DLGAP2: variants seen among roughly 807,000 people sequenced by gnomAD.
DLGAP2 encodes DLG associated protein 2, also known as disks large-associated protein 2.
Under a neutral mutation model 100.3 loss-of-function variants are expected in DLGAP2, and 26 were observed. The observed-to-expected ratio is 0.26, with a 90% CI of 0.19 to 0.36. DLGAP2 has a LOEUF of 0.36. Among genes scored for constraint, DLGAP2 ranks in the 10% least tolerant of loss-of-function variants. The pLI is 1.00. For missense variants in DLGAP2, 1,858 were observed against 1,453.2 expected, an observed-to-expected ratio of 1.28 and a Z score of -4.53; for synonymous variants, 886 against 630.1, an observed-to-expected ratio of 1.41 and a Z score of -6.08.
At chr8:1,648,875 G>A (rs1461204796) in intron 8 of DLGAP2, among the ~76,000 whole-genome samples, 4 of 152,156 alleles carry the variant, frequency 2.6e-5, no homozygotes, top group African/African-American at 7.2e-5. Flanking sequence ...AAGAAGAACC[G>A]CTGATCTCAC....
At chr8:1,426,410 G>C (rs1206758011) in intron 3 of DLGAP2, among the ~76,000 whole-genome samples, 1 of 152,152 alleles carries the variant, frequency 6.6e-6, no homozygotes, top group Non-Finnish European at 1.5e-5. Context: ...ACAGCATGAA[G>C]CAGGAGCCCA....
intron 2 of DLGAP2, among the ~76,000 whole-genome samples, chr8:916,886 C>T (rs1254001365): frequency 1.3e-5 from 2 of 152,172 alleles, no homozygotes; most frequent in African/African-American, 2.4e-5. Context: ...GCGTTGAGAC[C>T]AAGATGATCC....
At chr8:1,243,994 C>T (rs188083985) in intron 2 of DLGAP2, among the ~76,000 whole-genome samples, 239 of 151,908 alleles carry the variant, frequency 1.6e-3, no homozygotes, top group African/African-American at 5.5e-3. Context: ...ATGGTGAGTG[C>T]CAGCTCCCAG....
chr8:1,445,344 G>T (rs1353290843), intron 3 of DLGAP2, among the ~76,000 whole-genome samples: 1 of 149,112 alleles, frequency 6.7e-6, no homozygotes, highest in Non-Finnish European at 1.5e-5. Flanking sequence ...GCAGTGTTTG[G>T]TTTTTTGTCC....
chr8:1,286,323 A>G lies in DLGAP2; in HGVS notation c.106+27440A>G, dbSNP rs770899863. ...TCAATTAAACTTCTTTACTTTATAA[A>G]TCACCCAGTTTGGGGCAGTTCTTTA... is the stretch of plus-strand genomic sequence containing the variant. On this transcript the variant is annotated intron_variant, in intron 3 of 14. Coordinates refer to ENST00000637795, the MANE Select transcript of DLGAP2 (RefSeq NM_001346810.2). Among the ~76,000 whole-genome samples, 6 of 152,194 alleles carry G rather than the reference A, an allele frequency of 3.9e-5. No individual in the cohort carries two copies. The East Asian group carries it at 1.2e-3, about 29-fold the overall frequency.
chr8:988,295 T>C (rs1800545640), intron 2 of DLGAP2, among the ~76,000 whole-genome samples: 1 of 152,222 alleles, frequency 6.6e-6, no homozygotes, highest in Admixed American at 6.5e-5. Context: ...AAATAGATTT[T>C]AGCTTCAGGG....
intron 2 of DLGAP2, chr8:1,019,759 C>T (rs1229805757): frequency 6.6e-6 from 1 of 152,132 alleles, no homozygotes; most frequent in Admixed American, 6.5e-5. Context: ...CCACTTCTGC[C>T]CTCCCGCCGA....
intron 3 of DLGAP2, among the ~76,000 whole-genome samples, chr8:1,389,039 A>C (rs962010223): frequency 6.7e-6 from 1 of 148,636 alleles, no homozygotes; most frequent in Non-Finnish European, 1.5e-5. Flanking sequence ...GCGCTGGTTC[A>C]GGTGTCAGGG....
At chr8:997,311 A>C (rs1162159805) in intron 2 of DLGAP2, among the ~76,000 whole-genome samples, 1 of 152,254 alleles carries the variant, frequency 6.6e-6, no homozygotes, top group Non-Finnish European at 1.5e-5. Flanking sequence ...TATTACATTC[A>C]AAAATGCTAT....
At chr8:1,189,953 G>T (rs1285546227) in intron 2 of DLGAP2, among the ~76,000 whole-genome samples, 2 of 152,148 alleles carry the variant, frequency 1.3e-5, no homozygotes, top group Non-Finnish European at 2.9e-5. Flanking sequence ...AGCCAAGTAG[G>T]GTGAATGAGA....
chr8:1,510,124 A>T (rs563204816), intron 4 of DLGAP2, among the ~76,000 whole-genome samples: 1 of 152,368 alleles, frequency 6.6e-6, no homozygotes, highest in Non-Finnish European at 1.5e-5. Flanking sequence ...CCTGTAAATT[A>T]CAAGCACGCT....
At position 893,643 on chromosome 8, in the gene DLGAP2, C is replaced by G. The variant is rs186239861; in HGVS notation, c.19-14269C>G. Among the ~76,000 whole-genome samples the G allele has an allele frequency of 2.6e-5, 4 of 152,314 alleles. No individual in the cohort carries two copies. In the East Asian group the frequency reaches 7.7e-4, roughly 29 times the overall value. On this transcript the variant is annotated intron_variant, in intron 1 of 14. Coordinates refer to ENST00000637795, the MANE Select transcript of DLGAP2 (RefSeq NM_001346810.2). ...AGGGTCTTTCTGCAGTGAGGGAAGTCCGTTAGGCATGCTGTGGTTTCATGA... is the reference window on the plus strand; with the variant it reads ...AGGGTCTTTCTGCAGTGAGGGAAGTGCGTTAGGCATGCTGTGGTTTCATGA...
chr8:891,127 G>T (rs527858907), intron 1 of DLGAP2: 1 of 141,214 alleles, frequency 7.1e-6, no homozygotes, highest in East Asian at 2.0e-4. Flanking sequence ...GGTAAATAAG[G>T]CACCCCCCCC....
At chr8:1,535,217 C>A (rs1280563907) in intron 4 of DLGAP2, among the ~76,000 whole-genome samples, 1 of 152,222 alleles carries the variant, frequency 6.6e-6, no homozygotes, top group East Asian at 1.9e-4. Context: ...GAGGGCTGGG[C>A]TGTAGCCCTG....
Position 1,707,904 on chromosome 8 carries a change from C to T in DLGAP2, c.*6498C>T, listed in dbSNP as rs140928770. The T allele has an allele frequency of 8.5e-5, 13 of 152,692 alleles. No homozygotes were observed. The East Asian group carries it at 1.7e-3, about 20-fold the overall frequency. 9.5% of individuals were successfully genotyped at this position (152,692 alleles called of 1,614,324 possible). ...CTATTTTATGTCATTCTCTTTCTCACGCTTTTATGGTTCTTTTGATAAATT... is the reference window on the plus strand; with the variant it reads ...CTATTTTATGTCATTCTCTTTCTCATGCTTTTATGGTTCTTTTGATAAATT... On this transcript the variant is annotated 3_prime_UTR_variant, in exon 15 of 15. Coordinates refer to ENST00000637795, the MANE Select transcript of DLGAP2 (RefSeq NM_001346810.2).
chr8:771,554 G>A (rs1192196840), intron 1 of DLGAP2, among the ~76,000 whole-genome samples: 5 of 152,144 alleles, frequency 3.3e-5, no homozygotes, highest in Admixed American at 3.3e-4. Flanking sequence ...TGGATTGCCA[G>A]GGCAACTTTC....
At chr8:1,581,183 C>T (rs968320624) in intron 6 of DLGAP2, among the ~76,000 whole-genome samples, 2 of 151,756 alleles carry the variant, frequency 1.3e-5, no homozygotes, top group Non-Finnish European at 1.5e-5. Flanking sequence ...CAAAACCCCA[C>T]ACACATCTAC....
intron 6 of DLGAP2, among the ~76,000 whole-genome samples, chr8:1,622,831 A>G (rs1224521824): frequency 6.6e-6 from 1 of 152,192 alleles, no homozygotes; most frequent in Admixed American, 6.5e-5. Context: ...AGGGGCTGAA[A>G]GTCAACTTCA....
chr8:1,649,428 G>A (rs558283133), intron 8 of DLGAP2, among the ~76,000 whole-genome samples: 46 of 152,230 alleles, frequency 3.0e-4, no homozygotes, highest in African/African-American at 1.0e-3. Flanking sequence ...AATTTATTTA[G>A]GCCATTTTAA....
Sources: gnomAD v4.1 joint callset for allele counts (sites outside exome capture counted in the v4.1 genomes callset) on GRCh38, gnomAD v4.1.1 for gene constraint, MANE v1.5 for transcripts, NCBI Gene and HGNC (gene_info 2026-07-23, HGNC 2026-07-21) for gene names.